The following SLC24A3 variants were observed in gnomAD, a reference collection of about 807,000 sequenced individuals.
The protein encoded by SLC24A3 is sodium/potassium/calcium exchanger 3.
Under a neutral mutation model 75.8 loss-of-function variants are expected in SLC24A3, and 28 were observed. That is an observed-to-expected ratio of 0.37 (90% CI 0.27 to 0.51). SLC24A3 has a LOEUF of 0.51. SLC24A3 is among the 20% of genes least tolerant of loss of function. The pLI is 0.94. For synonymous variants in SLC24A3, 372 were observed against 334.1 expected (o/e 1.11, Z -1.24); for missense variants, 663 against 847.8 (o/e 0.78, Z 2.71).
chr20:19,431,729 A>G (rs961318844), intron 2 of SLC24A3, among the ~76,000 whole-genome samples: 1 of 152,166 alleles, frequency 6.6e-6, no homozygotes, highest in South Asian at 2.1e-4. Flanking sequence ...TTCAAAAAAA[A>G]AAAGGTAAAT....
At chr20:19,535,154 A>C (rs180742909) in intron 3 of SLC24A3, among the ~76,000 whole-genome samples, 11 of 152,368 alleles carry the variant, frequency 7.2e-5, no homozygotes, top group Non-Finnish European at 1.6e-4. Context: ...ATCTCAGCTC[A>C]GCTCTCAAAG....
At chr20:19,399,460 C>A (rs2122401655) in intron 2 of SLC24A3, among the ~76,000 whole-genome samples, 1 of 152,196 alleles carries the variant, frequency 6.6e-6, no homozygotes, top group African/African-American at 2.4e-5. Flanking sequence ...TCATCCATTT[C>A]AAAAATATTT....
At chr20:19,517,395 C>T (rs1250742559) in intron 3 of SLC24A3, among the ~76,000 whole-genome samples, 1 of 152,200 alleles carries the variant, frequency 6.6e-6, no homozygotes, top group Non-Finnish European at 1.5e-5. Context: ...CTCACTGAGT[C>T]ATCAGCTGGA....
intron 2 of SLC24A3, among the ~76,000 whole-genome samples, chr20:19,287,303 A>G (rs979999414): frequency 6.6e-6 from 1 of 152,154 alleles, no homozygotes; most frequent in African/African-American, 2.4e-5. Context: ...TTGGGGTAGC[A>G]GGGTTTTATG....
intron 2 of SLC24A3, among the ~76,000 whole-genome samples, chr20:19,397,099 C>T (rs923342802): frequency 4.6e-5 from 7 of 152,172 alleles, no homozygotes; most frequent in African/African-American, 9.7e-5. Flanking sequence ...TTTGTATATG[C>T]GTTTGCATTT....
chr20:19,703,248 C>T (rs2032894232), intron 15 of SLC24A3, among the ~76,000 whole-genome samples: 1 of 152,178 alleles, frequency 6.6e-6, no homozygotes, highest in Admixed American at 6.5e-5. Context: ...TCCTTCTAAG[C>T]TCTGCCCAAA....
intron 2 of SLC24A3, among the ~76,000 whole-genome samples, chr20:19,423,064 C>A (rs538965807): frequency 3.3e-4 from 51 of 152,370 alleles, no homozygotes; most frequent in Non-Finnish European, 7.2e-4. Context: ...GTGGCCTGAG[C>A]AAACTCCTAT....
chr20:19,299,451 C>T (rs1411847064), intron 2 of SLC24A3, among the ~76,000 whole-genome samples: 1 of 152,100 alleles, frequency 6.6e-6, no homozygotes, highest in Non-Finnish European at 1.5e-5. Context: ...TGTCAGACTT[C>T]TGGGGACTCC....
At chr20:19,274,725 G>C (rs536675208) in intron 1 of SLC24A3, among the ~76,000 whole-genome samples, 2 of 152,190 alleles carry the variant, frequency 1.3e-5, no homozygotes, top group Non-Finnish European at 2.9e-5. Flanking sequence ...CAAGACTTCA[G>C]GGGGAGGGGC....
At position 19,684,293 on chromosome 20, in the gene SLC24A3, C is replaced by G. The variant is rs777942081; in HGVS notation, c.1019C>G (p.Pro340Arg). The G allele has an allele frequency of 2.5e-6, 4 of 1,614,142 alleles. No individual in the cohort carries two copies. The highest frequency in any genetic ancestry group is 2.2e-5 in the South Asian group (2 of 91,076). Reference protein sequence around the residue: ...LRIMITSHFPPKTRLSMASRM... With the variant: ...LRIMITSHFPRKTRLSMASRM... ...ATCATGATAACCAGCCACTTTCCCC[C>G]CAAGACCCGGCTCTCCATGGCCAGT... is the stretch of plus-strand genomic sequence containing the variant. Residue 340 changes from proline (P) to arginine (R), a missense_variant, in exon 11 of 17, where the codon CCC (proline) becomes CGC (arginine). Around this residue, in one of 2 missense-constraint regions of SLC24A3, gnomAD observed 510 missense variants for 703.6 expected, o/e 0.72. Transcript: ENST00000328041.
chr20:19,289,055 C>A lies in SLC24A3; in HGVS notation c.271+7968C>A, dbSNP rs79692735. 2.0e-5 allele frequency among the ~76,000 whole-genome samples: 3 copies of A among 152,192 alleles called. No homozygotes were observed. In the East Asian group the frequency reaches 5.8e-4, roughly 29 times the overall value. ...ATGTGCTCTGCAGGGGAGGTTGAGGCAGGAATGACATTTCCAAGGTCCTCT... is the reference window on the plus strand; with the variant it reads ...ATGTGCTCTGCAGGGGAGGTTGAGGAAGGAATGACATTTCCAAGGTCCTCT... On this transcript the variant is annotated intron_variant, in intron 2 of 16. Coordinates refer to ENST00000328041, the MANE Select transcript of SLC24A3 (RefSeq NM_020689.4).
chr20:19,717,933 C>T (rs1568710027), intron 16 of SLC24A3, among the ~76,000 whole-genome samples: 1 of 152,220 alleles, frequency 6.6e-6, no homozygotes, highest in East Asian at 1.9e-4. Flanking sequence ...CCATACGAAT[C>T]CATGAATTTG....
At chr20:19,526,438 G>C (rs1480136392) in intron 3 of SLC24A3, among the ~76,000 whole-genome samples, 1 of 152,160 alleles carries the variant, frequency 6.6e-6, no homozygotes, top group South Asian at 2.1e-4. Context: ...CTCACAATAG[G>C]CACAAGGAAA....
At chr20:19,358,078 T>C (rs781551400) in intron 2 of SLC24A3, among the ~76,000 whole-genome samples, 1 of 152,210 alleles carries the variant, frequency 6.6e-6, no homozygotes, top group Non-Finnish European at 1.5e-5. Flanking sequence ...AGGGTTGTTT[T>C]CCCTCCTGCT....
At chr20:19,509,081 C>G (rs1316551251) in intron 2 of SLC24A3, among the ~76,000 whole-genome samples, 1 of 152,178 alleles carries the variant, frequency 6.6e-6, no homozygotes, top group African/African-American at 2.4e-5. Context: ...TGATATGTGA[C>G]CCCAGGAAGC....
chr20:19,692,771 C>G (rs2122133898), intron 12 of SLC24A3, among the ~76,000 whole-genome samples: 1 of 152,284 alleles, frequency 6.6e-6, no homozygotes, highest in Non-Finnish European at 1.5e-5. Flanking sequence ...TTCCGGCGCG[C>G]TGACCGACGA....
intron 9 of SLC24A3, among the ~76,000 whole-genome samples, chr20:19,680,318 C>A (rs1244744235): frequency 6.6e-6 from 1 of 152,162 alleles, no homozygotes; most frequent in African/African-American, 2.4e-5. Flanking sequence ...GTTCCCTTGG[C>A]CTATGTGTTT....
chr20:19,665,949 T>G, intron 8 of SLC24A3, 60 bp downstream of exon 8: 1 of 1,554,286 alleles, frequency 6.4e-7, no homozygotes, highest in Non-Finnish European at 8.8e-7. Context: ...CCAAATATAT[T>G]GAAGACCAGT....
chr20:19,683,997 G>A (rs954790870), intron 10 of SLC24A3, among the ~76,000 whole-genome samples, 179 bp from the exon 11 acceptor site: 2 of 152,112 alleles, frequency 1.3e-5, no homozygotes, highest in African/African-American at 4.8e-5. Flanking sequence ...TGAATGCATG[G>A]ATGGGTGGAA....
Sources: allele counts gnomAD v4.1 joint callset (sites outside exome capture counted in the v4.1 genomes callset), GRCh38; gene constraint gnomAD v4.1.1; regional missense constraint gnomAD v4.1.1; transcripts MANE v1.5; gene names NCBI Gene and HGNC (gene_info 2026-07-23, HGNC 2026-07-21).